SLC25A48: variants seen among roughly 807,000 people sequenced by gnomAD.
The protein encoded by SLC25A48 is solute carrier family 25 member 48, also known as CTC-321K16.1.
Under a neutral mutation model 32.2 loss-of-function variants are expected in SLC25A48, and 29 were observed. The observed-to-expected ratio is 0.90, with a 90% CI of 0.67 to 1.23. SLC25A48 has a LOEUF of 1.23. Ranked by LOEUF, SLC25A48 falls within the 50% of genes most tolerant of loss-of-function variation. SLC25A48 has a pLI of 0.00. For synonymous variants in SLC25A48, 164 were observed against 172.3 expected, an observed-to-expected ratio of 0.95 and a Z score of 0.38; for missense variants, 399 against 422.7, an observed-to-expected ratio of 0.94 and a Z score of 0.49.
At chr5:135,787,498 G>A (rs1580878857) in intron 3 of SLC25A48, among the ~76,000 whole-genome samples, 2 of 152,100 alleles carry the variant, frequency 1.3e-5, no homozygotes, top group East Asian at 3.9e-4. Context: ...AATATCACAG[G>A]AGATGTATAA....
chr5:135,867,285 A>G, intron 4 of SLC25A48, among the ~76,000 whole-genome samples: 1 of 152,140 alleles, frequency 6.6e-6, no homozygotes, highest in Non-Finnish European at 1.5e-5. Context: ...CTGATCCGGC[A>G]CCTCGTAGTC....
At chr5:135,851,790 C>T (rs555429238) in intron 3 of SLC25A48, among the ~76,000 whole-genome samples, 2 of 152,234 alleles carry the variant, frequency 1.3e-5, no homozygotes, top group South Asian at 2.1e-4. Context: ...TGGAATTTTC[C>T]GGTTTTCCTC....
chr5:135,657,202 A>G (rs1753271333), intron 3 of SLC25A48, among the ~76,000 whole-genome samples: 1 of 152,160 alleles, frequency 6.6e-6, no homozygotes, highest in Non-Finnish European at 1.5e-5. Context: ...TTCAGTTCCA[A>G]GCAGAACTAA....
intron 1 of SLC25A48, among the ~76,000 whole-genome samples, chr5:135,837,914 C>T (rs1377577316): frequency 1.3e-5 from 2 of 152,136 alleles, no homozygotes; most frequent in Admixed American, 1.3e-4. Flanking sequence ...GTAAAGATAC[C>T]TGAAAATGTG....
intron 3 of SLC25A48, among the ~76,000 whole-genome samples, chr5:135,664,399 C>G (rs1418973183): frequency 6.6e-6 from 1 of 152,186 alleles, no homozygotes; most frequent in African/African-American, 2.4e-5. Flanking sequence ...ATGGACCGAT[C>G]TAGAATGGAC....
At chr5:135,847,775 C>A (rs982264758) in intron 2 of SLC25A48, among the ~76,000 whole-genome samples, 1 of 152,096 alleles carries the variant, frequency 6.6e-6, no homozygotes, top group Non-Finnish European at 1.5e-5. Context: ...AAGAGCCTCC[C>A]GAGGGAGTGC....
At chr5:135,690,571 C>A (rs1254456851) in intron 3 of SLC25A48, among the ~76,000 whole-genome samples, 1 of 152,184 alleles carries the variant, frequency 6.6e-6, no homozygotes, top group African/African-American at 2.4e-5. Context: ...ATTTGCAGCC[C>A]CCACCTGTCC....
chr5:135,720,098 C>T (rs372684203), intron 3 of SLC25A48, among the ~76,000 whole-genome samples: 29 of 152,218 alleles, frequency 1.9e-4, no homozygotes, highest in African/African-American at 5.5e-4. Context: ...GGCTGAAAAA[C>T]GCAGTAGCTC....
intron 3 of SLC25A48, among the ~76,000 whole-genome samples, chr5:135,802,452 T>G (rs1007265262): frequency 5.3e-5 from 8 of 151,704 alleles, no homozygotes; most frequent in African/African-American, 1.9e-4. Flanking sequence ...GAGGTATTAC[T>G]CCTACTATCA....
chr5:135,746,393 C>T (rs747717723), intron 3 of SLC25A48: 9 of 176,516 alleles, frequency 5.1e-5, no homozygotes, highest in African/African-American at 1.7e-4. Flanking sequence ...TACAGCAGCT[C>T]GCTACAGTTT....
intron 4 of SLC25A48, among the ~76,000 whole-genome samples, chr5:135,869,883 C>T (rs1009292682): frequency 2.0e-5 from 3 of 152,146 alleles, no homozygotes; most frequent in Non-Finnish European, 2.9e-5. Flanking sequence ...TGAAGTTGGC[C>T]TAATGGATAT....
chr5:135,789,442 T>C (rs1311416431), intron 3 of SLC25A48, among the ~76,000 whole-genome samples: 2 of 151,624 alleles, frequency 1.3e-5, no homozygotes, highest in African/African-American at 4.9e-5. Flanking sequence ...CAATATGGTT[T>C]GTAATATCTA....
At chr5:135,885,000 C>A (rs1762664757) in intron 7 of SLC25A48, among the ~76,000 whole-genome samples, 1 of 152,116 alleles carries the variant, frequency 6.6e-6, no homozygotes, top group Non-Finnish European at 1.5e-5. Context: ...TACCTGAGCC[C>A]CAGCTCAGGA....
intron 2 of SLC25A48, among the ~76,000 whole-genome samples, chr5:135,633,970 A>G (rs888149770): frequency 2.0e-5 from 3 of 152,210 alleles, no homozygotes; most frequent in South Asian, 2.1e-4. Context: ...CAGGGAGGGT[A>G]GATGCATTTC....
chr5:135,641,193 T>G (rs1421444417), intron 3 of SLC25A48, among the ~76,000 whole-genome samples: 1 of 152,222 alleles, frequency 6.6e-6, no homozygotes, highest in Non-Finnish European at 1.5e-5. Context: ...GTGTTAAGTC[T>G]GAAATGTCAG....
intron 3 of SLC25A48, among the ~76,000 whole-genome samples, chr5:135,687,768 C>A (rs983508809): frequency 6.6e-6 from 1 of 152,092 alleles, no homozygotes; most frequent in Non-Finnish European, 1.5e-5. Context: ...ACTAACAATT[C>A]TTCTCCTCTC....
At chr5:135,579,345 TC>T in exon 1 of SLC25A48, 1 of 154,198 alleles carries the variant, frequency 6.5e-6, no homozygotes, top group East Asian at 1.9e-4. Flanking sequence ...GCACTGCTTT[TC>T]TGAATCGTGT....
chr5:135,678,634 C>G (rs924146593), intron 3 of SLC25A48, among the ~76,000 whole-genome samples: 1 of 152,148 alleles, frequency 6.6e-6, no homozygotes, highest in Non-Finnish European at 1.5e-5. Flanking sequence ...ATCTGCACAT[C>G]TGGTGTCACA....
chr5:135,693,228 G>T (rs1370416616), intron 3 of SLC25A48, among the ~76,000 whole-genome samples: 2 of 152,222 alleles, frequency 1.3e-5, no homozygotes, highest in African/African-American at 4.8e-5. Context: ...TCTAAAGGCT[G>T]CATAGTCTAC....
Sources: gnomAD v4.1 joint callset for allele counts (sites outside exome capture counted in the v4.1 genomes callset) on GRCh38, gnomAD v4.1.1 for gene constraint, MANE v1.5 for transcripts, NCBI Gene and HGNC (gene_info 2026-07-23, HGNC 2026-07-21) for gene names.